Variants in KDM4C observed in about 807,000 individuals in gnomAD.
KDM4C encodes lysine-specific demethylase 4C.
A neutral mutation model predicts 129.3 loss-of-function variants in KDM4C; 81 were observed. The ratio of observed to expected loss-of-function variants is 0.63; its 90% CI spans 0.52 to 0.75. The LOEUF (loss-of-function observed/expected upper bound fraction) is 0.75. Among genes scored for constraint, KDM4C ranks in the 30% least tolerant of loss-of-function variants. KDM4C has a pLI of 0.00. For synonymous variants in KDM4C, 573 were observed against 456.1 expected (o/e 1.26, Z -3.26); for missense variants, 1,457 against 1,304.0 (o/e 1.12, Z -1.81).
intron 5 of KDM4C, among the ~76,000 whole-genome samples, chr9:6,877,207 A>G (rs138512632): frequency 6.6e-6 from 1 of 152,122 alleles, no homozygotes; most frequent in South Asian, 2.1e-4. Context: ...AGTGCTAAGC[A>G]AGATTTTTTT....
In KDM4C at chr9:6,732,169, A is replaced by G. The variant is rs142528161; in HGVS notation, c.49+11172A>G. Among the ~76,000 whole-genome samples, 35 of 151,768 alleles carry G rather than the reference A, an allele frequency of 2.3e-4. No homozygotes were observed. The East Asian group carries it at 6.8e-3, about 30-fold the overall frequency. ...ATCACGAGGTCAGGAGATTGAGACC[A>G]TCCTGGCTAACACAGTGAAACCCCA... On this transcript the variant is annotated intron_variant, in intron 1 of 17. Transcript: ENST00000536108.
intron 4 of KDM4C, chr9:6,834,631 G>C (rs1588589462): frequency 7.8e-6 from 6 of 772,970 alleles, no homozygotes; most frequent in African/African-American, 1.7e-5. Flanking sequence ...ACGAGGCCTA[G>C]AGCAAGAGAG....
intron 1 of KDM4C, among the ~76,000 whole-genome samples, chr9:6,767,604 T>A (rs1171076869): frequency 6.6e-6 from 1 of 152,088 alleles, no homozygotes; most frequent in East Asian, 1.9e-4. Flanking sequence ...CTGGCTAATT[T>A]TTGTGTTTTT....
intron 8 of KDM4C, among the ~76,000 whole-genome samples, chr9:6,905,139 T>G (rs373329333): frequency 1.3e-5 from 2 of 152,216 alleles, no homozygotes; most frequent in Non-Finnish European, 2.9e-5. Context: ...TCATCTATAT[T>G]AAAAAATTAA....
chr9:6,957,139 A>G (rs1375816165), intron 8 of KDM4C, among the ~76,000 whole-genome samples: 1 of 152,202 alleles, frequency 6.6e-6, no homozygotes, highest in African/African-American at 2.4e-5. Flanking sequence ...GGTAGAAAAT[A>G]ATGACTCTGG....
intron 1 of KDM4C, among the ~76,000 whole-genome samples, chr9:6,784,188 T>A (rs1824983002): frequency 1.3e-5 from 2 of 152,164 alleles, no homozygotes; most frequent in Admixed American, 1.3e-4. Flanking sequence ...TGTTACCCCA[T>A]TTTACTGATG....
At chr9:7,157,002 A>G (rs909345987) in intron 19 of KDM4C, among the ~76,000 whole-genome samples, 6 of 152,192 alleles carry the variant, frequency 3.9e-5, no homozygotes, top group African/African-American at 2.4e-5. Flanking sequence ...ATGTTCTTCC[A>G]TTTGTTTGCG....
At position 6,758,940 on chromosome 9, in the gene KDM4C, G is replaced by C. The variant is rs1563939565; in HGVS notation, c.-18+737G>C. 6.6e-6 allele frequency among the ~76,000 whole-genome samples: 1 copy of C among 152,236 alleles called. No individual in the cohort carries two copies. The highest frequency in any genetic ancestry group is 1.5e-5 in the Non-Finnish European group (1 of 68,050). On this transcript the variant is annotated intron_variant, in intron 1 of 21. Transcript: ENST00000381309. This position sits in a 1 kb window ranked among gnomAD's most constrained non-coding sequence, Gnocchi z 4.6. ...TGGGGTTTTCCTCTGTGCTCCGCCA[G>C]TAAAGCCAGCAGCCGGGATTCAGAT...
At chr9:6,888,802 T>C (rs1163852323) in intron 7 of KDM4C, among the ~76,000 whole-genome samples, 1 of 30,112 alleles carries the variant, frequency 3.3e-5, no homozygotes, top group Non-Finnish European at 6.6e-5. Flanking sequence ...TTTTTTTTTT[T>C]TTTGAGACGG....
intron 15 of KDM4C, among the ~76,000 whole-genome samples, chr9:7,041,133 A>C (rs1367805205): frequency 1.3e-5 from 2 of 151,906 alleles, no homozygotes; most frequent in Non-Finnish European, 2.9e-5. Flanking sequence ...GATTCAACCA[A>C]CTGTGGATCA....
At chr9:6,960,991 G>C (rs963309299) in intron 8 of KDM4C, among the ~76,000 whole-genome samples, 1 of 152,154 alleles carries the variant, frequency 6.6e-6, no homozygotes, top group Non-Finnish European at 1.5e-5. Context: ...GCGACATGGG[G>C]TTCAGTGATG....
intron 19 of KDM4C, among the ~76,000 whole-genome samples, chr9:7,164,457 C>G (rs758974897): frequency 1.3e-5 from 2 of 151,836 alleles, no homozygotes; most frequent in Non-Finnish European, 2.9e-5. Context: ...TGAAAAGATT[C>G]TGGTTATGGG....
Position 7,128,133 on chromosome 9 carries a change from G to A in KDM4C, c.2678G>A (p.Arg893Gln), listed in dbSNP as rs1840219220. Residue 893 changes from arginine (R) to glutamine (Q), a missense_variant, in exon 19 of 22, where the codon CGG becomes CAG. Physicochemically the swap from Arg to Gln is conservative, Grantham distance 43. Coordinates refer to ENST00000381309, the MANE Select transcript of KDM4C (RefSeq NM_015061.6). ...QTVITKHRNTRYYSCRVMAVT... is the reference protein window; with the variant it reads ...QTVITKHRNTQYYSCRVMAVT... ...GTCATCACGAAGCATCGGAACACCC[G>A]GTATTACAGTTGCAGAGTGATGGCT... The A allele has an allele frequency of 5.0e-6, 8 of 1,612,570 alleles. No homozygotes were observed. The highest frequency in any genetic ancestry group is 4.5e-5 in the East Asian group (2 of 44,774).
At chr9:6,814,982 G>A (rs955499405) in intron 4 of KDM4C, 6 of 341,104 alleles carry the variant, frequency 1.8e-5, no homozygotes, top group African/African-American at 1.3e-4. Flanking sequence ...TGGTTATCTG[G>A]CTGATCTTTT....
At chr9:6,757,497 C>G (rs533038800), upstream of KDM4C, 2 of 427,202 alleles carry the variant, frequency 4.7e-6, no homozygotes, top group African/African-American at 2.1e-5. Context: ...GCTCAGTGGT[C>G]CCGGCCACCG....
At chr9:7,016,013 A>G in intron 15 of KDM4C, 84 bp downstream of exon 15, 1 of 939,238 alleles carries the variant, frequency 1.1e-6, no homozygotes, top group Non-Finnish European at 1.7e-6. Flanking sequence ...AAAAGATAAG[A>G]TTGCTCAGGT....
chr9:7,165,124 TA>T, intron 19 of KDM4C, 113 bp from the exon 20 acceptor site: 1 of 1,275,780 alleles, frequency 7.8e-7, no homozygotes, highest in Non-Finnish European at 1.1e-6. Flanking sequence ...TCATAATCCA[TA>T]AAACACAGAG....
At chr9:7,121,861 G>A (rs1456527516) in intron 18 of KDM4C, among the ~76,000 whole-genome samples, 1 of 150,310 alleles carries the variant, frequency 6.7e-6, no homozygotes, top group African/African-American at 2.4e-5. Flanking sequence ...AATTCTATTG[G>A]TGTTACTTCC....
At chr9:6,761,307 C>T (rs1270096336) in intron 1 of KDM4C, among the ~76,000 whole-genome samples, 1 of 152,084 alleles carries the variant, frequency 6.6e-6, no homozygotes, top group East Asian at 1.9e-4. Flanking sequence ...CTGTGCCCGG[C>T]CTCTGGATGT....
Sources: gnomAD v4.1 joint callset for allele counts (sites outside exome capture counted in the v4.1 genomes callset) on GRCh38, gnomAD v4.1.1 for gene constraint, Gnocchi (gnomAD v3.1) non-coding constraint, MANE v1.5 for transcripts, NCBI Gene and HGNC (gene_info 2026-07-23, HGNC 2026-07-21) for gene names.